Variants in SAMD5 observed in about 807,000 individuals in gnomAD.
The protein encoded by SAMD5 is sterile alpha motif domain-containing protein 5.
SAMD5 carries 13 observed loss-of-function variants against 11.3 expected under a neutral mutation model. The ratio of observed to expected loss-of-function variants is 1.15; its 90% CI spans 0.75 to 1.83. The LOEUF (loss-of-function observed/expected upper bound fraction) is 1.83, where lower values mean the gene tolerates loss of function less well. Among genes scored for constraint, SAMD5 ranks in the 40% most tolerant of loss-of-function variants. The probability of loss-of-function intolerance (pLI) is 0.00; values close to 1 mark genes in which losing one functional copy is unlikely to be tolerated. For synonymous variants in SAMD5, 129 were observed against 111.3 expected (o/e 1.16, Z -1.00); for missense variants, 255 against 239.1 (o/e 1.07, Z -0.44).
intron 1 of SAMD5, among the ~76,000 whole-genome samples, chr6:147,679,433 A>G (rs147639898): frequency 1.3e-5 from 2 of 152,202 alleles, no homozygotes; most frequent in South Asian, 2.1e-4. Flanking sequence ...GCTTATGTGC[A>G]TTTGTATATA....
the SAMD5 span, among the ~76,000 whole-genome samples, chr6:147,877,945 A>AGATTTTTCTTTTTGAGACAGAGTCT: frequency 1.6e-4 from 11 of 67,758 alleles, 2 homozygotes; most frequent in African/African-American, 8.0e-4. Flanking sequence ...ATAGATAGAT[A>AGATTTTTCTTTTTGAGACAGAGTCT]GACTCTGTCA....
chr6:147,861,840 T>A, the SAMD5 span, among the ~76,000 whole-genome samples: 7 of 152,158 alleles, frequency 4.6e-5, no homozygotes, highest in African/African-American at 1.4e-4. Context: ...CATGTGAACT[T>A]GGGACAGATA....
At chr6:147,518,465 C>A (rs1052650387) in intron 1 of SAMD5, among the ~76,000 whole-genome samples, 9 of 152,178 alleles carry the variant, frequency 5.9e-5, no homozygotes, top group African/African-American at 1.4e-4. Context: ...ACATGCAATT[C>A]TTTTCAGATT....
At chr6:147,710,136 G>C (rs2128458432) in intron 1 of SAMD5, among the ~76,000 whole-genome samples, 1 of 152,260 alleles carries the variant, frequency 6.6e-6, no homozygotes, top group East Asian at 1.9e-4. Flanking sequence ...TGTTCCTGTT[G>C]TGAACAAGCT....
chr6:147,564,134 G>A (rs763354522), intron 1 of SAMD5, among the ~76,000 whole-genome samples: 2 of 152,004 alleles, frequency 1.3e-5, no homozygotes, highest in Non-Finnish European at 2.9e-5. Flanking sequence ...CTCTTAGAAG[G>A]AACATAAAAG....
the SAMD5 span, among the ~76,000 whole-genome samples, chr6:147,836,305 A>G: frequency 6.6e-6 from 1 of 152,294 alleles, no homozygotes; most frequent in East Asian, 1.9e-4. Context: ...TTACCTGTCT[A>G]CTTATGCGCT....
chr6:147,847,750 G>A, the SAMD5 span, among the ~76,000 whole-genome samples: 1 of 152,150 alleles, frequency 6.6e-6, no homozygotes, highest in Non-Finnish European at 1.5e-5. Context: ...CTACTTGGGA[G>A]GCTGAGGCAG....
chr6:147,575,213 C>T (rs1292784804), intron 1 of SAMD5, among the ~76,000 whole-genome samples: 1 of 152,186 alleles, frequency 6.6e-6, no homozygotes, highest in Non-Finnish European at 1.5e-5. Flanking sequence ...GCCCTGTTGT[C>T]CTCACAGGTT....
chr6:147,724,083 C>T (rs1391554709), intron 1 of SAMD5, among the ~76,000 whole-genome samples: 1 of 152,144 alleles, frequency 6.6e-6, no homozygotes, highest in Non-Finnish European at 1.5e-5. Context: ...TTTTCTTTAA[C>T]ATTTCTCATC....
At chr6:147,652,489 T>C (rs1790499564) in intron 1 of SAMD5, among the ~76,000 whole-genome samples, 2 of 152,164 alleles carry the variant, frequency 1.3e-5, no homozygotes, top group African/African-American at 4.8e-5. Flanking sequence ...CATGGATCAG[T>C]AGCAATCATG....
At chr6:147,828,179 T>C in the SAMD5 span, among the ~76,000 whole-genome samples, 2 of 152,130 alleles carry the variant, frequency 1.3e-5, no homozygotes, top group African/African-American at 4.8e-5. Context: ...GTTAAACTCC[T>C]GATCATTGCT....
chr6:147,872,432 A>C, the SAMD5 span, among the ~76,000 whole-genome samples: 2 of 152,196 alleles, frequency 1.3e-5, no homozygotes, highest in Non-Finnish European at 2.9e-5. Flanking sequence ...GCTCTATGCC[A>C]AGCACTATTG....
At chr6:147,794,033 A>G in the SAMD5 span, among the ~76,000 whole-genome samples, 1 of 152,174 alleles carries the variant, frequency 6.6e-6, no homozygotes, top group Non-Finnish European at 1.5e-5. Context: ...CACTCTTAAA[A>G]ACTTGCCTCC....
chr6:147,722,308 T>G (rs1791566677), intron 1 of SAMD5, among the ~76,000 whole-genome samples: 1 of 151,882 alleles, frequency 6.6e-6, no homozygotes, highest in Non-Finnish European at 1.5e-5. Context: ...ATAATTAGCA[T>G]TGTATATAGA....
chr6:147,513,477 C>T (rs576655548), intron 1 of SAMD5, among the ~76,000 whole-genome samples: 14 of 152,160 alleles, frequency 9.2e-5, no homozygotes, highest in African/African-American at 2.4e-4. Context: ...CGAGTTTGGG[C>T]GAGAAAGATA....
At chr6:147,851,976 G>A in the SAMD5 span, among the ~76,000 whole-genome samples, 2 of 152,034 alleles carry the variant, frequency 1.3e-5, no homozygotes, top group South Asian at 2.1e-4. Flanking sequence ...ACTCATATAC[G>A]TTATACTCTT....
chr6:147,574,031 G>A (rs767024069), downstream of SAMD5, among the ~76,000 whole-genome samples: 12 of 152,092 alleles, frequency 7.9e-5, no homozygotes, highest in Non-Finnish European at 1.6e-4. Flanking sequence ...GGGAGGCTGA[G>A]GTGGGAGAAT....
intron 1 of SAMD5, among the ~76,000 whole-genome samples, chr6:147,692,113 T>C (rs1791112742): frequency 6.6e-6 from 1 of 152,174 alleles, no homozygotes; most frequent in Non-Finnish European, 1.5e-5. Flanking sequence ...ATATGGAAAT[T>C]CTAGTGTAGA....
intron 1 of SAMD5, among the ~76,000 whole-genome samples, chr6:147,549,060 T>C (rs550766629): frequency 6.6e-6 from 1 of 152,086 alleles, no homozygotes; most frequent in Non-Finnish European, 1.5e-5. Context: ...GTGAAGAAAA[T>C]GGCACAGAAC....
Sources: gnomAD v4.1 joint callset for allele counts (sites outside exome capture counted in the v4.1 genomes callset) on GRCh38, gnomAD v4.1.1 for gene constraint, MANE v1.5 for transcripts, NCBI Gene and HGNC (gene_info 2026-07-23, HGNC 2026-07-21) for gene names.